Variants in TRIQK observed in about 807,000 individuals in gnomAD.
The protein encoded by TRIQK is triple QxxK/R motif containing, also known as triple QxxK/R motif-containing protein.
A neutral mutation model predicts 10.8 loss-of-function variants in TRIQK; 10 were observed. The observed-to-expected ratio is 0.92, with a 90% CI of 0.57 to 1.57. The LOEUF (loss-of-function observed/expected upper bound fraction) is 1.57. Among genes scored for constraint, TRIQK ranks in the 40% most tolerant of loss-of-function variants. TRIQK has a pLI of 0.00. For missense variants in TRIQK, 107 were observed against 97.7 expected, an observed-to-expected ratio of 1.09 and a Z score of -0.40; for synonymous variants, 33 against 33.7, an observed-to-expected ratio of 0.98 and a Z score of 0.07.
chr8:92,904,719 A>G (rs1809158743), intron 3 of TRIQK, among the ~76,000 whole-genome samples: 1 of 152,188 alleles, frequency 6.6e-6, no homozygotes, highest in Admixed American at 6.5e-5. Flanking sequence ...TGATTCCCAG[A>G]GATTTTAACT....
At chr8:92,895,897 A>T (rs2130300044) in intron 3 of TRIQK, among the ~76,000 whole-genome samples, 1 of 152,248 alleles carries the variant, frequency 6.6e-6, no homozygotes, top group African/African-American at 2.4e-5. Flanking sequence ...AGATTTATAA[A>T]ACTCTCAGCC....
At position 92,915,413 on chromosome 8, in the gene TRIQK, C is replaced by G. The variant is rs578214003; in HGVS notation, c.61+1516G>C. On this transcript the variant is annotated intron_variant, in intron 3 of 4. Transcript: ENST00000521988. ...ATGATGCATATTTTAATTGGTTTGACTGTAGTAATCATTTACTCTGTGTGT... is the reference window on the plus strand; with the variant it reads ...ATGATGCATATTTTAATTGGTTTGAGTGTAGTAATCATTTACTCTGTGTGT... Among the ~76,000 whole-genome samples, 64 of 152,062 alleles carry G rather than the reference C, an allele frequency of 4.2e-4. No homozygotes were observed. The Middle Eastern group carries it at 0.01, about 24-fold the overall frequency.
intron 3 of TRIQK, among the ~76,000 whole-genome samples, chr8:92,909,137 T>C (rs541911311): frequency 9.8e-4 from 149 of 152,072 alleles, no homozygotes; most frequent in Non-Finnish European, 1.9e-3. Flanking sequence ...TATGGAATCT[T>C]GTTAAAAAAA....
At chr8:92,920,747 G>A (rs1810136732) in intron 2 of TRIQK, among the ~76,000 whole-genome samples, 1 of 151,668 alleles carries the variant, frequency 6.6e-6, no homozygotes, top group African/African-American at 2.4e-5. Context: ...GAGTAGAAAT[G>A]GTAAGAAGGT....
At chr8:92,974,501 G>C (rs1563670886) in intron 1 of TRIQK, 1 of 152,310 alleles carries the variant, frequency 6.6e-6, no homozygotes, top group South Asian at 2.1e-4. Context: ...CCTGAAACAA[G>C]AAATTCATTA....
rs575516920 is a variant in TRIQK, at chr8:92,884,482, G to T, written c.*2140C>A. 4 of 263,128 alleles carry T rather than the reference G, an allele frequency of 1.5e-5. No individual in the cohort carries two copies. The highest frequency in any genetic ancestry group is 1.3e-4 in the South Asian group (3 of 23,690). 16.3% of individuals were successfully genotyped at this position (263,128 alleles called of 1,614,324 possible). On this transcript the variant is annotated 3_prime_UTR_variant, in exon 5 of 5. Coordinates refer to ENST00000521988, the MANE Select transcript of TRIQK (RefSeq NM_001171797.2). ...ATCAATCAGTCATACGAATGGACTA[G>T]CTGTAGACTCAGGATATCAATAAAA...
chr8:92,991,186 C>T (rs557851123), intron 1 of TRIQK, among the ~76,000 whole-genome samples: 2 of 152,324 alleles, frequency 1.3e-5, no homozygotes, highest in African/African-American at 2.4e-5. Flanking sequence ...GCCACTGTAG[C>T]CCGACTGCCA....
intron 1 of TRIQK, among the ~76,000 whole-genome samples, chr8:92,985,652 G>A (rs892046369): frequency 6.6e-6 from 1 of 152,106 alleles, no homozygotes; most frequent in African/African-American, 2.4e-5. Flanking sequence ...ACCAGGCCAG[G>A]TTGTCATAAA....
intron 2 of TRIQK, among the ~76,000 whole-genome samples, chr8:92,937,853 A>G (rs189938192): frequency 7.1e-4 from 108 of 152,072 alleles, no homozygotes; most frequent in African/African-American, 2.4e-3. Flanking sequence ...GTTTTTATCA[A>G]TATAAACCAT....
intron 1 of TRIQK, among the ~76,000 whole-genome samples, chr8:92,996,734 C>T (rs1287436216): frequency 2.0e-5 from 3 of 151,906 alleles, no homozygotes; most frequent in Non-Finnish European, 4.4e-5. Flanking sequence ...TTTATTATTA[C>T]TAAAGGATTA....
rs73313284 is a variant in TRIQK, at chr8:92,885,676, A to G, written c.*946T>C. 2 of 151,860 alleles carry G rather than the reference A, an allele frequency of 1.3e-5. No homozygotes were observed. The highest frequency in any genetic ancestry group is 2.1e-4 in the South Asian group (1 of 4,814). The allele number at this position is 151,860 out of a possible 1,614,324, so 9.4% of individuals were successfully genotyped here. On this transcript the variant is annotated 3_prime_UTR_variant, in exon 5 of 5. Transcript: ENST00000521988. The stretch of plus-strand genomic sequence containing the variant: ...TTCTTCTATTATTTATTTTCTCCCT[A>G]AAGAGTTCTAATTGATTAAATCTCA...
At chr8:92,896,848 C>T (rs1373069844) in intron 3 of TRIQK, among the ~76,000 whole-genome samples, 2 of 150,312 alleles carry the variant, frequency 1.3e-5, no homozygotes, top group Non-Finnish European at 3.0e-5. Flanking sequence ...TGTTGTTTCA[C>T]TCCTGTCTCC....
chr8:93,004,781 C>T (rs1258238010), intron 1 of TRIQK, among the ~76,000 whole-genome samples: 1 of 152,226 alleles, frequency 6.6e-6, no homozygotes, highest in Non-Finnish European at 1.5e-5. Context: ...CAGATCCCTA[C>T]AGCAGGGGCA....
chr8:92,924,091 C>T (rs1395739150), intron 2 of TRIQK, among the ~76,000 whole-genome samples: 3 of 151,950 alleles, frequency 2.0e-5, no homozygotes, highest in African/African-American at 7.2e-5. Context: ...ACTAAGAAAA[C>T]TCTTCGCTAA....
At chr8:92,941,127 C>T (rs7459872) in intron 2 of TRIQK, 62,713 of 151,908 alleles carry the variant, frequency 0.41, 13,854 homozygotes, top group Admixed American at 0.58. Context: ...AGTCCAGTGG[C>T]GTGATCTTGG....
chr8:92,889,355 C>T (rs1408195702), intron 4 of TRIQK, among the ~76,000 whole-genome samples: 1 of 151,502 alleles, frequency 6.6e-6, no homozygotes, highest in Admixed American at 6.6e-5. Context: ...ATGTCTTATT[C>T]ATCTTTCTTT....
intron 1 of TRIQK, among the ~76,000 whole-genome samples, chr8:93,005,834 A>T (rs974090834): frequency 1.3e-5 from 2 of 152,118 alleles, no homozygotes; most frequent in African/African-American, 4.8e-5. Flanking sequence ...ATGAAATAAA[A>T]GTTCTCCAAA....
chr8:92,958,505 G>C (rs1249763065), intron 1 of TRIQK, among the ~76,000 whole-genome samples: 1 of 151,764 alleles, frequency 6.6e-6, no homozygotes, highest in Non-Finnish European at 1.5e-5. Context: ...GATATTACCT[G>C]ATTTTCATCT....
chr8:92,922,238 T>C (rs1458731163), intron 2 of TRIQK: 2 of 151,868 alleles, frequency 1.3e-5, no homozygotes, highest in East Asian at 1.9e-4. Flanking sequence ...ACCATAAAAA[T>C]TGTCAATAGA....
Sources: gnomAD v4.1 joint callset for allele counts (sites outside exome capture counted in the v4.1 genomes callset) on GRCh38, gnomAD v4.1.1 for gene constraint, MANE v1.5 for transcripts, NCBI Gene and HGNC (gene_info 2026-07-23, HGNC 2026-07-21) for gene names.